MEOX2: variants seen among roughly 807,000 people sequenced by gnomAD.
MEOX2 encodes the protein mesenchyme homeobox 2.
A neutral mutation model predicts 27.0 loss-of-function variants in MEOX2; 11 were observed. The ratio of observed to expected loss-of-function variants is 0.41; its 90% CI spans 0.26 to 0.68. MEOX2 has a LOEUF of 0.68. Among genes scored for constraint, MEOX2 ranks in the 30% least tolerant of loss-of-function variants. The pLI, the probability that MEOX2 is intolerant of heterozygous loss-of-function variation, is 0.33. For synonymous variants in MEOX2, 189 were observed against 155.4 expected, an observed-to-expected ratio of 1.22 and a Z score of -1.61; for missense variants, 436 against 385.4, an observed-to-expected ratio of 1.13 and a Z score of -1.10.
rs999507903 is a variant in MEOX2, at chr7:15,686,477, A to G, written c.-75T>C. 61 of 1,332,676 alleles carry G rather than the reference A, an allele frequency of 4.6e-5. No individual in the cohort carries two copies. The highest frequency in any genetic ancestry group is 6.0e-5 in the Non-Finnish European group (60 of 993,372). 82.6% of individuals were successfully genotyped at this position (1,332,676 alleles called of 1,614,324 possible). On this transcript the variant is annotated 5_prime_UTR_variant, in exon 1 of 3. Coordinates refer to ENST00000262041, the MANE Select transcript of MEOX2 (RefSeq NM_005924.5). ...GGCCACCACCCTCTGTCACTTTTTC[A>G]CTGGAAACCGTGTGATTTTTTTTTT...
chr7:15,615,558 C>T (rs867482247), intron 2 of MEOX2, among the ~76,000 whole-genome samples: 16 of 151,962 alleles, frequency 1.1e-4, no homozygotes, highest in African/African-American at 3.1e-4. Context: ...TAGGTAATTA[C>T]GCTACTGAGT....
At chr7:15,644,702 T>A (rs1781616317) in intron 1 of MEOX2, among the ~76,000 whole-genome samples, 1 of 152,144 alleles carries the variant, frequency 6.6e-6, no homozygotes, top group Non-Finnish European at 1.5e-5. Flanking sequence ...AAATCCAGAT[T>A]TTTTCTATTG....
intron 1 of MEOX2, among the ~76,000 whole-genome samples, chr7:15,665,176 T>C (rs553182796): frequency 2.3e-4 from 35 of 152,222 alleles, no homozygotes; most frequent in African/African-American, 7.9e-4. Flanking sequence ...ACCAGAGCCA[T>C]GTGATTCAAT....
chr7:15,643,409 T>C (rs1030875699), intron 1 of MEOX2, among the ~76,000 whole-genome samples: 3 of 152,138 alleles, frequency 2.0e-5, no homozygotes, highest in Admixed American at 2.0e-4. Flanking sequence ...TTGGTCAAGG[T>C]CTAGGGGCAG....
intron 2 of MEOX2, among the ~76,000 whole-genome samples, 169 bp downstream of exon 2, chr7:15,626,577 A>G (rs915063216): frequency 1.1e-4 from 17 of 151,806 alleles, no homozygotes; most frequent in African/African-American, 4.1e-4. Context: ...ATATCACTAT[A>G]TTATTTTTAA....
intron 1 of MEOX2, among the ~76,000 whole-genome samples, chr7:15,670,142 A>C (rs530540910): frequency 6.6e-6 from 1 of 152,322 alleles, no homozygotes; most frequent in South Asian, 2.1e-4. Flanking sequence ...GGTATCTACA[A>C]TTCAATGATT....
At chr7:15,642,638 T>G (rs1239980787) in intron 1 of MEOX2, among the ~76,000 whole-genome samples, 1 of 152,224 alleles carries the variant, frequency 6.6e-6, no homozygotes, top group Non-Finnish European at 1.5e-5. Flanking sequence ...TAGGAGCAAT[T>G]GCTAAAGAAC....
At chr7:15,665,360 C>G (rs1781984708) in intron 1 of MEOX2, among the ~76,000 whole-genome samples, 1 of 151,932 alleles carries the variant, frequency 6.6e-6, no homozygotes, top group East Asian at 1.9e-4. Flanking sequence ...ATATTCAAAG[C>G]AAAAAGAGAT....
intron 1 of MEOX2, among the ~76,000 whole-genome samples, chr7:15,642,090 T>C (rs978136731): frequency 2.0e-5 from 3 of 152,314 alleles, no homozygotes; most frequent in African/African-American, 7.2e-5. Context: ...ATATGCCTTG[T>C]TGATGTTCAT....
intron 1 of MEOX2, among the ~76,000 whole-genome samples, chr7:15,674,606 C>G (rs1321085172): frequency 6.6e-6 from 1 of 150,902 alleles, no homozygotes; most frequent in African/African-American, 2.4e-5. Flanking sequence ...ATGGTGTTGT[C>G]TTTAGAAAAC....
intron 2 of MEOX2, among the ~76,000 whole-genome samples, chr7:15,615,337 G>A (rs922818337): frequency 6.6e-6 from 1 of 151,936 alleles, no homozygotes; most frequent in African/African-American, 2.4e-5. Flanking sequence ...GGGTTTGTTT[G>A]ATTCCAGATT....
chr7:15,661,012 CAAAAAAAAAAAAAAAAAAAA>C (rs71004402), intron 1 of MEOX2, among the ~76,000 whole-genome samples: 1 of 44,334 alleles, frequency 2.3e-5, no homozygotes, highest in Non-Finnish European at 3.9e-5. Flanking sequence ...GACTCAGTCT[CAAAAAAAAAAAAAAAAAAAA>C]AAAAAAAAAG....
At chr7:15,679,445 G>C (rs983251404) in intron 1 of MEOX2, 10 of 152,030 alleles carry the variant, frequency 6.6e-5, no homozygotes, top group Admixed American at 1.3e-4. Context: ...TAACATCTTA[G>C]AAAGAAAGCT....
chr7:15,627,444 T>C (rs952740552), intron 1 of MEOX2, among the ~76,000 whole-genome samples: 1 of 152,136 alleles, frequency 6.6e-6, no homozygotes, highest in East Asian at 1.9e-4. Flanking sequence ...TGTATTTAAG[T>C]AAAATTCTTG....
chr7:15,666,523 G>A (rs1782005852), intron 1 of MEOX2, among the ~76,000 whole-genome samples: 1 of 151,830 alleles, frequency 6.6e-6, no homozygotes, highest in African/African-American at 2.4e-5. Flanking sequence ...GGAGGCCAAG[G>A]CGGGCAGATC....
At position 15,686,524 on chromosome 7, in the gene MEOX2, T is replaced by G; in HGVS notation, c.-122A>C. On this transcript the variant is annotated 5_prime_UTR_variant, in exon 1 of 3. Coordinates refer to ENST00000262041, the MANE Select transcript of MEOX2 (RefSeq NM_005924.5). ...TTTTAACCTCCCAAAGCAATAGCGG[T>G]GCACTTCTGCAGAGCTCGGATAATC... 3.5e-6 allele frequency: 3 copies of G among 866,468 alleles called. No homozygotes were observed. Among genetic ancestry groups the G allele is most frequent in the Non-Finnish European group, 5.3e-6 (3 of 570,390 alleles). The allele number at this position is 866,468 out of a possible 1,614,324, so 53.7% of individuals were successfully genotyped here.
chr7:15,637,925 C>A (rs1048628914), intron 1 of MEOX2, among the ~76,000 whole-genome samples: 1 of 151,908 alleles, frequency 6.6e-6, no homozygotes, highest in East Asian at 1.9e-4. Flanking sequence ...ATAATACAAA[C>A]CTACTATTAG....
chr7:15,631,533 T>G (rs1583751439), intron 1 of MEOX2, among the ~76,000 whole-genome samples: 1 of 151,890 alleles, frequency 6.6e-6, no homozygotes, highest in Admixed American at 6.6e-5. Flanking sequence ...AGTAACTGTA[T>G]AGCTAAAAGT....
intron 1 of MEOX2, among the ~76,000 whole-genome samples, chr7:15,627,144 A>C (rs1212659238): frequency 6.6e-6 from 1 of 151,930 alleles, no homozygotes; most frequent in African/African-American, 2.4e-5. Context: ...AAAGCATGTA[A>C]TTTTCTTCTT....
Sources: allele counts gnomAD v4.1 joint callset (sites outside exome capture counted in the v4.1 genomes callset), GRCh38; gene constraint gnomAD v4.1.1; transcripts MANE v1.5; gene names NCBI Gene and HGNC (gene_info 2026-07-23, HGNC 2026-07-21).